Variants in SPHKAP observed in about 807,000 individuals in gnomAD.
SPHKAP encodes SPHK1 interactor, AKAP domain containing, also known as A-kinase anchor protein SPHKAP.
In SPHKAP, 67 loss-of-function variants were observed where a neutral mutation model predicts 137.5. The ratio of observed to expected loss-of-function variants is 0.49; its 90% CI spans 0.40 to 0.60. The LOEUF is 0.60. Among genes scored for constraint, SPHKAP ranks in the 20% least tolerant of loss-of-function variants. SPHKAP has a pLI of 0.00. For missense variants in SPHKAP, 2,097 were observed against 2,069.3 expected, an observed-to-expected ratio of 1.01 and a Z score of -0.26; for synonymous variants, 813 against 785.3, an observed-to-expected ratio of 1.04 and a Z score of -0.59.
At chr2:227,984,230 G>A (rs1410592479) in intron 11 of SPHKAP, among the ~76,000 whole-genome samples, 3 of 151,210 alleles carry the variant, frequency 2.0e-5, no homozygotes, top group Non-Finnish European at 4.4e-5. Flanking sequence ...AACCTAGGAG[G>A]CGGAAGTTGC....
chr2:228,119,473 T>TCTCA (rs1698840006), intron 2 of SPHKAP, among the ~76,000 whole-genome samples: 1 of 141,900 alleles, frequency 7.0e-6, no homozygotes, highest in Non-Finnish European at 1.6e-5. Flanking sequence ...ACACACACAC[T>TCTCA]CTCTCTCTCT....
intron 3 of SPHKAP, among the ~76,000 whole-genome samples, chr2:228,038,112 C>A (rs1396375813): frequency 6.6e-6 from 1 of 152,096 alleles, no homozygotes; most frequent in Non-Finnish European, 1.5e-5. Flanking sequence ...ATGCTGGGTG[C>A]TGAGAAGACA....
intron 1 of SPHKAP, among the ~76,000 whole-genome samples, chr2:228,145,939 T>C (rs1021384287): frequency 2.6e-5 from 4 of 152,174 alleles, no homozygotes; most frequent in Non-Finnish European, 4.4e-5. Context: ...CCTACTCCTT[T>C]TCATTACAAT....
intron 7 of SPHKAP, among the ~76,000 whole-genome samples, chr2:227,998,030 A>C (rs1693699668): frequency 6.6e-6 from 1 of 152,128 alleles, no homozygotes; most frequent in Non-Finnish European, 1.5e-5. Context: ...TGTTTGAGAC[A>C]AAGTCTTGCT....
rs568048864 is a variant in SPHKAP at position 228,017,049 on chromosome 2, G to T, written c.3805C>A (p.Gln1269Lys). The T allele has an allele frequency of 1.2e-6, 2 of 1,614,062 alleles. No homozygotes were observed. The highest frequency in any genetic ancestry group is 2.7e-5 in the African/African-American group (2 of 75,016). Residue 1269 changes from glutamine (Q) to lysine (K), a missense_variant, in exon 7 of 12, where the codon CAA becomes AAA. Physicochemically the swap from Gln to Lys is moderately conservative, Grantham distance 53. Coordinates refer to ENST00000392056, the MANE Select transcript of SPHKAP (RefSeq NM_001142644.2). ...SLDGFAQNCP[Q>K]DFLSVQPVSS... ...ACCGGCTGCACGCTTAGGAAATCTT[G>T]TGGGCAGTTCTGAGCAAAGCCATCT...
At chr2:228,034,493 C>G (rs1695496008) in intron 3 of SPHKAP, among the ~76,000 whole-genome samples, 1 of 151,998 alleles carries the variant, frequency 6.6e-6, no homozygotes, top group South Asian at 2.1e-4. Context: ...CTATTCCAAT[C>G]AGTAGAAAAA....
chr2:227,993,800 A>G lies in SPHKAP; in HGVS notation c.4635-180T>C, dbSNP rs78763904. Reference sequence around the variant, plus strand: ...AAATTAAGAGAAATCATAATGAGACATAGGCCTAACCAGCTCAGCAGATAA... The same window carrying G: ...AAATTAAGAGAAATCATAATGAGACGTAGGCCTAACCAGCTCAGCAGATAA... On this transcript the variant is annotated intron_variant, in intron 8 of 11. Transcript: ENST00000392056. Among the ~76,000 whole-genome samples the G allele has an allele frequency of 3.3e-3, 501 of 152,300 alleles. 3 individuals carry two copies. The highest frequency in any genetic ancestry group is 0.012 in the African/African-American group (486 of 41,560).
chr2:228,163,268 T>A (rs996253106), intron 1 of SPHKAP, among the ~76,000 whole-genome samples: 2 of 152,044 alleles, frequency 1.3e-5, no homozygotes, highest in Non-Finnish European at 2.9e-5. Context: ...ACTGCAATTA[T>A]TAAGCCAACT....
chr2:228,100,524 C>A (rs564145095), intron 3 of SPHKAP, among the ~76,000 whole-genome samples: 1 of 151,978 alleles, frequency 6.6e-6, no homozygotes, highest in Non-Finnish European at 1.5e-5. Flanking sequence ...TACTTTGATG[C>A]CTAGTTTGTT....
rs992603480 is a variant in SPHKAP, at chr2:228,088,717, A to G, written c.246+20115T>C. On this transcript the variant is annotated intron_variant, in intron 3 of 11. Transcript: ENST00000392056. ...AGTGATGAGTGAGTTCTCAGTTTAT[A>G]TGAGATCTGGTTGTTTAAAAGAGCA... Among the ~76,000 whole-genome samples the G allele has an allele frequency of 3.9e-5, 6 of 152,100 alleles. 1 individual carries two copies. Among genetic ancestry groups the G allele is most frequent in the South Asian group, 4.1e-4 (2 of 4,822 alleles).
At chr2:228,121,729 A>G (rs541171932) in intron 2 of SPHKAP, among the ~76,000 whole-genome samples, 12 of 152,260 alleles carry the variant, frequency 7.9e-5, no homozygotes, top group South Asian at 2.1e-4. Flanking sequence ...AAAGGCAGAG[A>G]TGTGCCTAGT....
rs867871269 is a variant in SPHKAP at position 228,023,208 on chromosome 2, C to T, written c.442-1242G>A. On this transcript the variant is annotated intron_variant, in intron 5 of 11. Coordinates refer to ENST00000392056, the MANE Select transcript of SPHKAP (RefSeq NM_001142644.2). ...TGATTATAAAATGAAAAATTCAATC[C>T]TTCTCCAAGGGGTTTAGGAATCCCC... is the stretch of plus-strand genomic sequence containing the variant. Among the ~76,000 whole-genome samples, 13 of 152,252 alleles carry T rather than the reference C, an allele frequency of 8.5e-5. No homozygotes were observed. The South Asian group carries it at 1.0e-3, about 12-fold the overall frequency.
chr2:228,050,028 AG>A (rs1358829459), intron 3 of SPHKAP, among the ~76,000 whole-genome samples: 1 of 152,208 alleles, frequency 6.6e-6, no homozygotes, highest in Non-Finnish European at 1.5e-5. Flanking sequence ...AAGTGGGCAA[AG>A]GATATGAACA....
Position 227,995,505 on chromosome 2 carries a change from G to T in SPHKAP, c.4634+4C>A. ...CCCTGGGAATTCAAGGGAAGAGCAG[G>T]TACCTCATGGATCGCTCACTGAGCT... On this transcript the variant is annotated splice_donor_region_variant and intron_variant, in intron 8 of 11. Transcript: ENST00000392056. 6.2e-7 allele frequency: 1 copy of T among 1,614,000 alleles called. No individual in the cohort carries two copies. Among genetic ancestry groups the T allele is most frequent in the South Asian group, 1.1e-5 (1 of 91,080 alleles).
intron 7 of SPHKAP, among the ~76,000 whole-genome samples, chr2:228,001,338 AATAT>A (rs1226995587): frequency 5.6e-5 from 8 of 142,998 alleles, no homozygotes; most frequent in African/African-American, 1.8e-4. Context: ...TACATATATA[AATAT>A]ATATACACAT....
At chr2:228,123,552 T>TATATTAC (rs1698978322) in intron 2 of SPHKAP, among the ~76,000 whole-genome samples, 3 of 152,216 alleles carry the variant, frequency 2.0e-5, no homozygotes, top group African/African-American at 7.2e-5. Context: ...CAGAATATTA[T>TATATTAC]ATCTATTTTC....
At chr2:227,995,808 A>C (rs1241128117) in intron 7 of SPHKAP, 114 bp from the exon 8 acceptor site, 1 of 1,340,054 alleles carries the variant, frequency 7.5e-7, no homozygotes, top group Non-Finnish European at 9.8e-7. Context: ...GGACACAGGC[A>C]GAGTCTCCCT....
intron 1 of SPHKAP, among the ~76,000 whole-genome samples, chr2:228,157,574 T>G (rs1305906176): frequency 6.6e-6 from 1 of 152,182 alleles, no homozygotes; most frequent in African/African-American, 2.4e-5. Flanking sequence ...TTATTACTCC[T>G]TTTTAGTTGT....
chr2:228,074,726 C>G (rs1697119524), intron 3 of SPHKAP, among the ~76,000 whole-genome samples: 1 of 152,170 alleles, frequency 6.6e-6, no homozygotes, highest in African/African-American at 2.4e-5. Flanking sequence ...GTTTGTAACT[C>G]TTTTATTTCC....
Sources: allele counts gnomAD v4.1 joint callset (sites outside exome capture counted in the v4.1 genomes callset), GRCh38; gene constraint gnomAD v4.1.1; transcripts MANE v1.5; gene names NCBI Gene and HGNC (gene_info 2026-07-23, HGNC 2026-07-21).